Variants in TBX5 observed in about 807,000 individuals in gnomAD.
TBX5 encodes T-box transcription factor TBX5.
A neutral mutation model predicts 51.1 loss-of-function variants in TBX5; 8 were observed. That is an observed-to-expected ratio of 0.16 (90% CI 0.09 to 0.28). The LOEUF (loss-of-function observed/expected upper bound fraction) is 0.28, where lower values mean the gene tolerates loss of function less well. TBX5 is among the 10% of genes least tolerant of loss of function. The probability of loss-of-function intolerance (pLI) is 1.00; values close to 1 mark genes in which losing one functional copy is unlikely to be tolerated. For synonymous variants in TBX5, 302 were observed against 266.4 expected (o/e 1.13, Z -1.30); for missense variants, 589 against 671.7 (o/e 0.88, Z 1.36).
chr12:114,397,015 G>A (rs902708251), intron 5 of TBX5, among the ~76,000 whole-genome samples: 1 of 152,146 alleles, frequency 6.6e-6, no homozygotes, highest in Non-Finnish European at 1.5e-5. Context: ...CACGTGCTGA[G>A]AGCTGCATTT....
intron 6 of TBX5, among the ~76,000 whole-genome samples, chr12:114,388,473 A>T (rs2555023): frequency 0.58 from 88,035 of 151,174 alleles, 26,178 homozygotes; most frequent in Admixed American, 0.72. Context: ...AGTATTTTTA[A>T]AAATTATTTA....
chr12:114,407,802 G>T (rs11837917), upstream of TBX5: 8,183 of 985,328 alleles, frequency 8.3e-3, 505 homozygotes, highest in African/African-American at 0.13. Flanking sequence ...AGTCCTCCAG[G>T]GTGAAACTCA....
chr12:114,385,104 C>CAA lies in TBX5; in HGVS notation c.755+370_755+371dup, dbSNP rs4007268. Among the ~76,000 whole-genome samples the CAA allele has an allele frequency of 2.7e-3, 382 of 141,924 alleles. 1 individual carries two copies. The highest frequency in any genetic ancestry group is 4.8e-3 in the African/African-American group (185 of 38,158). 93.1% of individuals were successfully genotyped at this position (141,924 alleles called of 152,430 possible). A position where few individuals can be genotyped will look rare whatever the true frequency, so the allele number is the denominator to read the frequency against. On this transcript the variant is annotated intron_variant, in intron 7 of 8. Coordinates refer to ENST00000405440, the MANE Select transcript of TBX5 (RefSeq NM_181486.4). Reference sequence around the variant, plus strand: ...TCTTTCATTTACCAAGAGCTGTTGCCAAAAAAAAAAAAAAGCATTCATCGG... The same window carrying CAA: ...TCTTTCATTTACCAAGAGCTGTTGCCAAAAAAAAAAAAAAAAGCATTCATCGG...
intron 6 of TBX5, among the ~76,000 whole-genome samples, chr12:114,389,836 G>A (rs566590454): frequency 1.5e-3 from 207 of 136,248 alleles, no homozygotes; most frequent in African/African-American, 5.4e-3. Context: ...CTGCCCCACC[G>A]CAGTCTCAGA....
At chr12:114,362,527 C>G (rs1290501206) in intron 8 of TBX5, among the ~76,000 whole-genome samples, 1 of 152,190 alleles carries the variant, frequency 6.6e-6, no homozygotes, top group African/African-American at 2.4e-5. Flanking sequence ...ACACCTCCCC[C>G]TTCTCCTATC....
intron 4 of TBX5, among the ~76,000 whole-genome samples, chr12:114,398,935 C>T (rs1871613485): frequency 6.6e-6 from 1 of 152,172 alleles, no homozygotes; most frequent in Non-Finnish European, 1.5e-5. Flanking sequence ...CCAGCCCTTT[C>T]TTCTTACAGC....
intron 1 of TBX5, among the ~76,000 whole-genome samples, chr12:114,405,352 C>G (rs987690540): frequency 4.6e-5 from 7 of 152,204 alleles, no homozygotes; most frequent in Non-Finnish European, 7.3e-5. Flanking sequence ...ACCCCGCGCC[C>G]TCGCCAGGGT....
intron 7 of TBX5, among the ~76,000 whole-genome samples, chr12:114,383,782 C>T (rs919582103): frequency 3.9e-5 from 6 of 152,144 alleles, no homozygotes; most frequent in Non-Finnish European, 8.8e-5. Context: ...ATTATTCACC[C>T]CCTGCCCTTG....
chr12:114,382,508 A>G (rs1870558753), intron 7 of TBX5, among the ~76,000 whole-genome samples: 1 of 152,110 alleles, frequency 6.6e-6, no homozygotes, highest in Non-Finnish European at 1.5e-5. Flanking sequence ...TACAAAAAAT[A>G]CAAATTTAGG....
In TBX5 at chr12:114,405,713, T is replaced by A. The variant is rs1326112242; in HGVS notation, c.-124A>T. On this transcript the variant is annotated 5_prime_UTR_variant, in exon 1 of 9. Coordinates refer to ENST00000405440, the MANE Select transcript of TBX5 (RefSeq NM_181486.4). ...CGGTGAGGCGGGGGAGCAGGCATGG[T>A]GGCTCCGGGGTTTATGCGGGGTTTA... 1 of 985,476 alleles carries A rather than the reference T, an allele frequency of 1.0e-6. No individual in the cohort carries two copies. The highest frequency in any genetic ancestry group is 1.1e-4 in the East Asian group (1 of 8,814). The allele number at this position is 985,476 out of a possible 1,614,324, so 61.0% of individuals were successfully genotyped here.
At chr12:114,372,483 T>A (rs1164580771) in intron 7 of TBX5, among the ~76,000 whole-genome samples, 1 of 151,754 alleles carries the variant, frequency 6.6e-6, no homozygotes, top group Non-Finnish European at 1.5e-5. Context: ...AGTTGTATTT[T>A]TTTTTTTTTT....
chr12:114,398,236 A>G (rs149911694), intron 5 of TBX5, among the ~76,000 whole-genome samples: 2 of 152,310 alleles, frequency 1.3e-5, no homozygotes, highest in East Asian at 3.9e-4. Context: ...GGGAGTGTGG[A>G]TCACCGGGAG....
intron 7 of TBX5, among the ~76,000 whole-genome samples, chr12:114,378,238 G>A (rs1870303702): frequency 6.6e-6 from 1 of 152,188 alleles, no homozygotes; most frequent in Non-Finnish European, 1.5e-5. Context: ...TGGTCATTCT[G>A]TGTGAGGTGA....
chr12:114,408,261 C>A, upstream of TBX5: 1 of 967,416 alleles, frequency 1.0e-6, no homozygotes, highest in Non-Finnish European at 1.2e-6. Flanking sequence ...CATAAACCAA[C>A]CCGGCTTTCT....
At chr12:114,387,758 G>T (rs910809657) in intron 6 of TBX5, among the ~76,000 whole-genome samples, 29 of 152,214 alleles carry the variant, frequency 1.9e-4, no homozygotes, top group Non-Finnish European at 3.1e-4. Context: ...TGTGCATGTG[G>T]TGGGGAGAAG....
At position 114,355,090 on chromosome 12, in the gene TBX5, GA is replaced by G. The variant is rs960432545; in HGVS notation, c.*441del. The G allele has an allele frequency of 1.7e-4, 31 of 181,486 alleles. No individual in the cohort carries two copies. Among genetic ancestry groups the G allele is most frequent in the African/African-American group, 4.8e-4 (20 of 41,876 alleles). The allele number at this position is 181,486 out of a possible 1,614,324, so 11.2% of individuals were successfully genotyped here. A position where few individuals can be genotyped will look rare whatever the true frequency, so the allele number is the denominator to read the frequency against. On this transcript the variant is annotated 3_prime_UTR_variant, in exon 9 of 9. Transcript: ENST00000405440. ...CTGGGTCCCATTAAGAAAATTGAAA[GA>G]AAAAAATATATTATCATTTATTATA...
Position 114,366,146 on chromosome 12 carries a change from CA to C in TBX5, c.982+18del, listed in dbSNP as rs1463070169. 1.2e-6 allele frequency: 2 copies of C among 1,611,532 alleles called. No individual in the cohort carries two copies. Among genetic ancestry groups the C allele is most frequent in the African/African-American group, 1.3e-5 (1 of 74,844 alleles). On this transcript the variant is annotated intron_variant, in intron 8 of 8. Transcript: ENST00000405440. Reference sequence around the variant, plus strand: ...AAGGTAAGAAAGAAAGCAAATTGACCAGGGGTGATCACACTCACCTTTCCTC... The same window carrying C: ...AAGGTAAGAAAGAAAGCAAATTGACCGGGGTGATCACACTCACCTTTCCTC...
intron 6 of TBX5, 97 bp downstream of exon 6, chr12:114,394,644 A>T: frequency 1.3e-6 from 2 of 1,565,164 alleles, no homozygotes; most frequent in Non-Finnish European, 1.8e-6. Context: ...GACTGCTGCC[A>T]TTCAGAGGAG....
upstream of TBX5, chr12:114,407,868 G>A (rs1222757511): frequency 1.0e-6 from 1 of 985,284 alleles, no homozygotes; most frequent in Admixed American, 6.2e-5. Flanking sequence ...GCGCCTCGCT[G>A]GAGAGCAGGG....
Sources: allele counts gnomAD v4.1 joint callset (sites outside exome capture counted in the v4.1 genomes callset), GRCh38; gene constraint gnomAD v4.1.1; transcripts MANE v1.5; gene names NCBI Gene and HGNC (gene_info 2026-07-23, HGNC 2026-07-21).